CRPPA: variants seen among roughly 807,000 people sequenced by gnomAD.
The protein encoded by CRPPA is D-ribitol-5-phosphate cytidylyltransferase.
In CRPPA, 43 loss-of-function variants were observed where a neutral mutation model predicts 52.0. The observed-to-expected ratio is 0.83, with a 90% CI of 0.65 to 1.07. The LOEUF (loss-of-function observed/expected upper bound fraction) is 1.07. CRPPA is among the 50% of genes least tolerant of loss of function. The pLI, the probability that CRPPA is intolerant of heterozygous loss-of-function variation, is 0.00. For missense variants in CRPPA, 629 were observed against 551.7 expected (o/e 1.14, Z -1.40); for synonymous variants, 250 against 203.5 (o/e 1.23, Z -1.94).
At chr7:16,184,728 T>C (rs1781473490) in intron 9 of CRPPA, among the ~76,000 whole-genome samples, 1 of 152,214 alleles carries the variant, frequency 6.6e-6, no homozygotes, top group Non-Finnish European at 1.5e-5. Context: ...CCTATAGGCA[T>C]TCTCAGTAAT....
intron 6 of CRPPA, among the ~76,000 whole-genome samples, chr7:16,262,962 T>G (rs1330650486): frequency 6.6e-6 from 1 of 152,172 alleles, no homozygotes. Context: ...TTTAAAGCAA[T>G]GGAGAAGGAA....
At chr7:16,345,506 G>A (rs1293893237) in intron 3 of CRPPA, among the ~76,000 whole-genome samples, 1 of 152,028 alleles carries the variant, frequency 6.6e-6, no homozygotes, top group African/African-American at 2.4e-5. Flanking sequence ...TGATTTATAT[G>A]ACAACTATAG....
chr7:16,272,661 T>A (rs1784115669), intron 6 of CRPPA, among the ~76,000 whole-genome samples: 1 of 152,198 alleles, frequency 6.6e-6, no homozygotes, highest in African/African-American at 2.4e-5. Flanking sequence ...AGGGAAAAAG[T>A]ATATAAAACT....
At chr7:16,257,742 A>G (rs2128412136) in intron 8 of CRPPA, among the ~76,000 whole-genome samples, 1 of 152,194 alleles carries the variant, frequency 6.6e-6, no homozygotes, top group East Asian at 1.9e-4. Flanking sequence ...TACCAACTAT[A>G]CATTCTGCTC....
chr7:16,407,176 T>C (rs1294287043), intron 1 of CRPPA, among the ~76,000 whole-genome samples: 2 of 152,110 alleles, frequency 1.3e-5, no homozygotes, highest in Non-Finnish European at 2.9e-5. Context: ...TAGGGTTTCA[T>C]GATGTTGCCC....
chr7:16,109,545 A>C (rs1782219860), intron 9 of CRPPA, among the ~76,000 whole-genome samples: 1 of 152,014 alleles, frequency 6.6e-6, no homozygotes, highest in Non-Finnish European at 1.5e-5. Context: ...AGAAAATTGC[A>C]GACCAATATC....
intron 6 of CRPPA, among the ~76,000 whole-genome samples, chr7:16,275,517 T>A (rs1025032085): frequency 6.6e-6 from 1 of 152,148 alleles, no homozygotes; most frequent in Non-Finnish European, 1.5e-5. Context: ...TAAAACTAGA[T>A]AAAACTCTTC....
chr7:16,302,087 GAGAT>G (rs922432746), intron 4 of CRPPA, among the ~76,000 whole-genome samples: 3 of 152,064 alleles, frequency 2.0e-5, no homozygotes, highest in Non-Finnish European at 4.4e-5. Context: ...ACGAGGTCAG[GAGAT>G]CGAGACCATC....
chr7:16,254,837 GAAA>G (rs1783586094), intron 8 of CRPPA, among the ~76,000 whole-genome samples: 1 of 148,228 alleles, frequency 6.7e-6, no homozygotes, highest in Non-Finnish European at 1.5e-5. Flanking sequence ...AAGAAAGAAA[GAAA>G]GAAAGAGAAA....
chr7:16,309,997 CAT>C (rs1784999470), intron 3 of CRPPA, among the ~76,000 whole-genome samples: 1 of 151,902 alleles, frequency 6.6e-6, no homozygotes, highest in Admixed American at 6.6e-5. Context: ...AATCATAAAA[CAT>C]AGTATATTAA....
intron 2 of CRPPA, among the ~76,000 whole-genome samples, chr7:16,400,166 T>C (rs1047373992): frequency 2.6e-5 from 4 of 152,120 alleles, no homozygotes; most frequent in Non-Finnish European, 4.4e-5. Context: ...ATTGACGTGA[T>C]GACACGTTTG....
intron 1 of CRPPA, among the ~76,000 whole-genome samples, chr7:16,406,991 T>C (rs10950619): frequency 0.27 from 40,898 of 152,154 alleles, 5,780 homozygotes; most frequent in South Asian, 0.38. Context: ...GTAAAACATT[T>C]TCAAGACAGA....
chr7:16,366,089 A>G (rs1032836563), intron 3 of CRPPA, among the ~76,000 whole-genome samples: 2 of 152,208 alleles, frequency 1.3e-5, no homozygotes, highest in African/African-American at 4.8e-5. Context: ...GTGTTTGATG[A>G]GGACCCATTC....
chr7:16,099,055 G>T (rs1781987391), intron 9 of CRPPA, among the ~76,000 whole-genome samples: 1 of 152,062 alleles, frequency 6.6e-6, no homozygotes, highest in Non-Finnish European at 1.5e-5. Context: ...CAATACAGTA[G>T]GAATTCAATA....
intron 6 of CRPPA, chr7:16,269,548 G>A (rs1353352399): frequency 2.6e-5 from 4 of 152,206 alleles, no homozygotes; most frequent in South Asian, 4.1e-4. Flanking sequence ...CTCATATACT[G>A]AATAGTCATT....
At chr7:16,125,641 C>G (rs1782564185) in intron 9 of CRPPA, among the ~76,000 whole-genome samples, 1 of 152,006 alleles carries the variant, frequency 6.6e-6, no homozygotes, top group South Asian at 2.1e-4. Context: ...GCAAGTGTCA[C>G]AAATCCTAAG....
At chr7:16,313,625 G>A (rs1785083916) in intron 3 of CRPPA, among the ~76,000 whole-genome samples, 1 of 151,862 alleles carries the variant, frequency 6.6e-6, no homozygotes, top group African/African-American at 2.4e-5. Flanking sequence ...CTACATGACT[G>A]ATTTTAGGTC....
At chr7:16,412,522 C>A (rs1583590081) in intron 1 of CRPPA, among the ~76,000 whole-genome samples, 1 of 152,330 alleles carries the variant, frequency 6.6e-6, no homozygotes, top group Non-Finnish European at 1.5e-5. Flanking sequence ...AGCAACCAAG[C>A]ATACACCCAG....
intron 3 of CRPPA, among the ~76,000 whole-genome samples, chr7:16,324,410 C>G (rs1018295596): frequency 6.6e-6 from 1 of 152,214 alleles, no homozygotes; most frequent in Admixed American, 6.5e-5. Flanking sequence ...GGTAACCACA[C>G]AGCCTAATGA....
Sources: allele counts gnomAD v4.1 joint callset (sites outside exome capture counted in the v4.1 genomes callset), GRCh38; gene constraint gnomAD v4.1.1; transcripts MANE v1.5; gene names NCBI Gene and HGNC (gene_info 2026-07-23, HGNC 2026-07-21).